The following FSTL4 variants were observed in gnomAD, a reference collection of about 807,000 sequenced individuals.
The protein encoded by FSTL4 is follistatin-related protein 4.
FSTL4 carries 28 observed loss-of-function variants against 78.2 expected under a neutral mutation model. The ratio of observed to expected loss-of-function variants is 0.36; its 90% confidence interval spans 0.27 to 0.49. The LOEUF is 0.49. FSTL4 is among the 20% of genes least tolerant of loss of function. The pLI is 0.98. For missense variants in FSTL4, 922 were observed against 1,084.9 expected, an observed-to-expected ratio of 0.85 and a Z score of 2.11; for synonymous variants, 422 against 440.5, an observed-to-expected ratio of 0.96 and a Z score of 0.53.
chr5:133,573,368 T>C (rs1310022048), intron 2 of FSTL4, among the ~76,000 whole-genome samples: 1 of 152,206 alleles, frequency 6.6e-6, no homozygotes, highest in Non-Finnish European at 1.5e-5. Context: ...CATAAATATA[T>C]GTTTACAAAA....
At position 133,382,444 on chromosome 5, in the gene FSTL4, CCCT is replaced by C. The variant is rs928034049; in HGVS notation, c.409+18291_409+18293del. ...GTGATGATTGTTAGTTCTCATCATTCCCTCCTCCTCCTCCTCCTCTCACTTTAA... is the reference window on the plus strand; with the variant it reads ...GTGATGATTGTTAGTTCTCATCATTCCCTCCTCCTCCTCCTCTCACTTTAA... On this transcript the variant is annotated intron_variant, in intron 4 of 15. Transcript: ENST00000265342. Among the ~76,000 whole-genome samples the C allele has an allele frequency of 7.9e-5, 12 of 152,190 alleles. 1 individual carries two copies. In the South Asian group the frequency reaches 1.5e-3, roughly 18 times the overall value.
chr5:133,710,284 T>A, the FSTL4 span, among the ~76,000 whole-genome samples: 1 of 152,206 alleles, frequency 6.6e-6, no homozygotes, highest in Admixed American at 6.5e-5. Context: ...ATTTGCAATC[T>A]GAATACAAGC....
intron 6 of FSTL4, among the ~76,000 whole-genome samples, chr5:133,270,683 G>A (rs1752749250): frequency 6.6e-6 from 1 of 152,206 alleles, no homozygotes; most frequent in South Asian, 2.1e-4. Flanking sequence ...AGTGAGGAAT[G>A]AGATCTGCTG....
chr5:133,318,115 T>A (rs1428322727), intron 4 of FSTL4, among the ~76,000 whole-genome samples: 1 of 152,220 alleles, frequency 6.6e-6, no homozygotes, highest in Non-Finnish European at 1.5e-5. Flanking sequence ...TCCTCCTGCA[T>A]GTTTATTTAG....
At chr5:133,670,551 C>G in the FSTL4 span, among the ~76,000 whole-genome samples, 1 of 152,156 alleles carries the variant, frequency 6.6e-6, no homozygotes, top group Non-Finnish European at 1.5e-5. Flanking sequence ...ACATTTCCAC[C>G]CTGTGGGATT....
chr5:133,748,109 G>A, the FSTL4 span, among the ~76,000 whole-genome samples: 10 of 151,972 alleles, frequency 6.6e-5, no homozygotes, highest in East Asian at 3.9e-4. Context: ...CAGGAGAATC[G>A]CTTGAACCCA....
chr5:133,706,335 A>T, the FSTL4 span, among the ~76,000 whole-genome samples: 1 of 152,350 alleles, frequency 6.6e-6, no homozygotes, highest in South Asian at 2.1e-4. Flanking sequence ...CACCATTATG[A>T]TCAATACTGG....
intron 13 of FSTL4, among the ~76,000 whole-genome samples, chr5:133,216,981 T>C (rs910977003): frequency 6.6e-6 from 1 of 152,248 alleles, no homozygotes; most frequent in African/African-American, 2.4e-5. Flanking sequence ...TTATTACTTA[T>C]AGTTCTCTAA....
chr5:133,651,268 G>A, the FSTL4 span, among the ~76,000 whole-genome samples: 14 of 152,132 alleles, frequency 9.2e-5, no homozygotes, highest in Admixed American at 2.0e-4. Flanking sequence ...GTTTCAGTAC[G>A]ATGTAGAAAA....
At chr5:133,306,941 G>A (rs1003745030) in intron 6 of FSTL4, among the ~76,000 whole-genome samples, 2 of 152,190 alleles carry the variant, frequency 1.3e-5, no homozygotes, top group African/African-American at 4.8e-5. Flanking sequence ...CGCCATCATT[G>A]ACCTGGTTAA....
chr5:133,451,094 TCG>T (rs1400281733), intron 3 of FSTL4, among the ~76,000 whole-genome samples: 1 of 152,070 alleles, frequency 6.6e-6, no homozygotes, highest in Non-Finnish European at 1.5e-5. Context: ...CCTAAGTAAC[TCG>T]GAGAAGGAAG....
chr5:133,475,519 T>C (rs570981248), intron 3 of FSTL4, among the ~76,000 whole-genome samples: 22 of 152,310 alleles, frequency 1.4e-4, no homozygotes, highest in Non-Finnish European at 3.2e-4. Flanking sequence ...CCAGAATACA[T>C]GAAGGTCTTT....
At chr5:133,379,680 T>C (rs1480008060) in intron 4 of FSTL4, among the ~76,000 whole-genome samples, 1 of 151,776 alleles carries the variant, frequency 6.6e-6, no homozygotes, top group Non-Finnish European at 1.5e-5. Context: ...CAAGAGAAAA[T>C]ACACTTTGAT....
intron 3 of FSTL4, among the ~76,000 whole-genome samples, chr5:133,524,736 C>T (rs1421816641): frequency 2.6e-5 from 4 of 152,188 alleles, no homozygotes; most frequent in African/African-American, 4.8e-5. Context: ...AGCGCTAAAG[C>T]CAGGAAAATC....
chr5:133,832,476 G>C, the FSTL4 span, among the ~76,000 whole-genome samples: 1 of 152,210 alleles, frequency 6.6e-6, no homozygotes, highest in Non-Finnish European at 1.5e-5. Flanking sequence ...TGTGGACGAA[G>C]GCAATTCAGG....
rs1753818092 is a variant in FSTL4, at chr5:133,312,767, T to C, written c.614A>G (p.Lys205Arg). The change falls in exon 6 of 16, where the codon AAG (lysine) becomes AGG (arginine). Residue 205 changes from lysine (K) to arginine (R), a missense_variant. Physicochemically the swap from Lys to Arg is conservative, Grantham distance 26 (BLOSUM62 2). Transcript: ENST00000265342. ...SSSELAQHVL[K>R]KQDLDEDLLG... The stretch of plus-strand genomic sequence containing the variant: ...TAAGTCTTCATCCAGGTCCTGCTTC[T>C]TCAGCACATGCTGTGGGGTGAGGAG... 5 of 1,614,162 alleles carry C rather than the reference T, an allele frequency of 3.1e-6. No homozygotes were observed. Among genetic ancestry groups the C allele is most frequent in the Non-Finnish European group, 4.2e-6 (5 of 1,179,962 alleles).
intron 6 of FSTL4, among the ~76,000 whole-genome samples, chr5:133,267,274 G>T (rs1336738826): frequency 6.6e-6 from 1 of 152,194 alleles, no homozygotes; most frequent in African/African-American, 2.4e-5. Flanking sequence ...GAAAGCTGCA[G>T]ACTGTGTTTG....
chr5:133,505,212 CTATT>C (rs1374899962), intron 3 of FSTL4, among the ~76,000 whole-genome samples: 1 of 152,056 alleles, frequency 6.6e-6, no homozygotes, highest in Admixed American at 6.5e-5. Flanking sequence ...CTCTCTCTCT[CTATT>C]TATATATTCA....
In FSTL4 at chr5:133,611,157, G is replaced by T. The variant is rs1050781477; in HGVS notation, c.-11+1168C>A. ...ATCAGTGTCGGCGGCCCGCGGCCGC[G>T]AGCGAGGGCTGCTGGACAGCGCCCC... On this transcript the variant is annotated intron_variant, in intron 1 of 15. Transcript: ENST00000265342. The surrounding 1 kb of genome is among the most constrained non-coding windows in gnomAD (Gnocchi z 4.9). Among the ~76,000 whole-genome samples, 1 of 151,922 alleles carries T rather than the reference G, an allele frequency of 6.6e-6. No homozygotes were observed. The highest frequency in any genetic ancestry group is 1.5e-5 in the Non-Finnish European group (1 of 67,924).
Sources: gnomAD v4.1 joint callset for allele counts (sites outside exome capture counted in the v4.1 genomes callset) on GRCh38, gnomAD v4.1.1 for gene constraint, Gnocchi (gnomAD v3.1) non-coding constraint, MANE v1.5 for transcripts, NCBI Gene and HGNC (gene_info 2026-07-23, HGNC 2026-07-21) for gene names.